Variants in MYOF observed in about 807,000 individuals in gnomAD.
MYOF encodes the protein fer-1-like 3, myoferlin.
A neutral mutation model predicts 284.2 loss-of-function variants in MYOF; 244 were observed. The observed-to-expected ratio is 0.86, with a 90% CI of 0.77 to 0.95. The LOEUF is 0.95. MYOF is among the 40% of genes least tolerant of loss of function. The probability of loss-of-function intolerance (pLI) is 0.00; values close to 1 mark genes in which losing one functional copy is unlikely to be tolerated. For synonymous variants in MYOF, 904 were observed against 919.7 expected, an observed-to-expected ratio of 0.98 and a Z score of 0.31; for missense variants, 2,496 against 2,560.6, an observed-to-expected ratio of 0.97 and a Z score of 0.54.
intron 48 of MYOF, 58 bp downstream of exon 48, chr10:93,323,020 A>G (rs749108485): frequency 8.0e-6 from 12 of 1,501,220 alleles, no homozygotes; most frequent in Non-Finnish European, 1.1e-5. Flanking sequence ...ATGAAAACTC[A>G]CGAAGGAGAG....
At chr10:93,418,024 G>C (rs1166191524) in intron 5 of MYOF, among the ~76,000 whole-genome samples, 1 of 152,138 alleles carries the variant, frequency 6.6e-6, no homozygotes, top group Non-Finnish European at 1.5e-5. Context: ...AGTCTCAAGT[G>C]ATCCCAGGCT....
intron 49 of MYOF, among the ~76,000 whole-genome samples, chr10:93,317,410 G>C (rs1842659740): frequency 6.6e-6 from 1 of 151,974 alleles, no homozygotes; most frequent in Non-Finnish European, 1.5e-5. Context: ...GGCCGAGGGG[G>C]TAGATTACTT....
chr10:93,393,911 T>A (rs76698980), intron 16 of MYOF, among the ~76,000 whole-genome samples: 1 of 152,164 alleles, frequency 6.6e-6, no homozygotes. Context: ...CAATAAATAG[T>A]GCTTACATTC....
At chr10:93,383,544 C>T (rs754481744) in intron 19 of MYOF, among the ~76,000 whole-genome samples, 3 of 152,132 alleles carry the variant, frequency 2.0e-5, no homozygotes, top group Non-Finnish European at 4.4e-5. Flanking sequence ...AAGAGCTCTG[C>T]TTAACTACCC....
Position 93,328,016 on chromosome 10 carries a change from C to T in MYOF, c.5131+747G>A, listed in dbSNP as rs953023821. On this transcript the variant is annotated intron_variant, in intron 45 of 53. Coordinates refer to ENST00000359263, the MANE Select transcript of MYOF (RefSeq NM_013451.4). Reference sequence around the variant, plus strand: ...AACTCCTGACCTCAAATGATCCACCCGACTCGACCTCCCAAAGTGCTGAGA... The same window carrying T: ...AACTCCTGACCTCAAATGATCCACCTGACTCGACCTCCCAAAGTGCTGAGA... 6.6e-5 allele frequency among the ~76,000 whole-genome samples: 10 copies of T among 152,204 alleles called. No individual in the cohort carries two copies. The South Asian group carries it at 8.3e-4, about 13-fold the overall frequency.
chr10:93,476,124 C>G (rs2057254685), intron 1 of MYOF, among the ~76,000 whole-genome samples: 1 of 151,834 alleles, frequency 6.6e-6, no homozygotes, highest in African/African-American at 2.4e-5. Context: ...TAGGGATCTT[C>G]TTGATGAGTC....
chr10:93,424,874 C>T (rs1262022855), intron 5 of MYOF, among the ~76,000 whole-genome samples: 1 of 150,666 alleles, frequency 6.6e-6, no homozygotes, highest in African/African-American at 2.4e-5. Flanking sequence ...AAGATGAGCC[C>T]CGAGGAGCCA....
In MYOF at chr10:93,374,934, T is replaced by C. The variant is rs370697671; in HGVS notation, c.2130A>G (p.Glu710=). The change falls in exon 23 of 54, where the codon GAA becomes GAG. Residue 710 remains glutamate (E), a synonymous_variant. Transcript: ENST00000359263. The part of the protein sequence containing the change: ...EDTRYTLPLT[E]GKANVTVLDT... Reference sequence around the variant, plus strand: ...CGAGAACTGTGACGTTGGCTTTTCCTTCTGTGAGAGGCAACGTGTATCTAG... The same window carrying C: ...CGAGAACTGTGACGTTGGCTTTTCCCTCTGTGAGAGGCAACGTGTATCTAG... 21 of 1,613,200 alleles carry C rather than the reference T, an allele frequency of 1.3e-5. No homozygotes were observed. The African/African-American group carries it at 2.7e-4, about 21-fold the overall frequency.
chr10:93,354,755 T>A (rs1844719867), intron 31 of MYOF, among the ~76,000 whole-genome samples: 1 of 149,136 alleles, frequency 6.7e-6, no homozygotes, highest in African/African-American at 2.4e-5. Flanking sequence ...GGAGCTCTAC[T>A]ACCTGAGTTC....
intron 1 of MYOF, among the ~76,000 whole-genome samples, chr10:93,460,362 T>C (rs1479217437): frequency 6.6e-6 from 1 of 152,184 alleles, no homozygotes; most frequent in Non-Finnish European, 1.5e-5. Context: ...CTGGGGAGTG[T>C]GAAAAGATTC....
chr10:93,446,138 A>T (rs1237662642), intron 3 of MYOF, among the ~76,000 whole-genome samples: 1 of 152,200 alleles, frequency 6.6e-6, no homozygotes, highest in Non-Finnish European at 1.5e-5. Context: ...TGCTTACAAA[A>T]GAGCAGAGGC....
intron 25 of MYOF, among the ~76,000 whole-genome samples, chr10:93,367,514 C>A (rs1406050526): frequency 6.6e-6 from 1 of 152,156 alleles, no homozygotes; most frequent in African/African-American, 2.4e-5. Flanking sequence ...GGGAGATGAG[C>A]TTCAGGCAGA....
At chr10:93,341,511 A>C (rs1445095480) in intron 38 of MYOF, among the ~76,000 whole-genome samples, 1 of 152,162 alleles carries the variant, frequency 6.6e-6, no homozygotes, top group East Asian at 1.9e-4. Context: ...TCCTGACCTC[A>C]GGTGATCCAC....
At position 93,409,561 on chromosome 10, in the gene MYOF, G is replaced by T. The variant is rs750780027; in HGVS notation, c.600+12C>A. 1.2e-6 allele frequency: 2 copies of T among 1,610,408 alleles called. No homozygotes were observed. Among genetic ancestry groups the T allele is most frequent in the Non-Finnish European group, 1.7e-6 (2 of 1,178,874 alleles). ...GATTAAACAAAGAAGCAGAACGCCA[G>T]GCCGTTGCTACCTGGAAGTCCTGTG... is the stretch of plus-strand genomic sequence containing the variant. On this transcript the variant is annotated intron_variant, in intron 6 of 53. Transcript: ENST00000359263.
At position 93,482,243 on chromosome 10, in the gene MYOF, G is replaced by T. The variant is rs752985500; in HGVS notation, c.-49C>A. 15 of 1,480,728 alleles carry T rather than the reference G, an allele frequency of 1.0e-5. No homozygotes were observed. Among genetic ancestry groups the T allele is most frequent in the Admixed American group, 3.6e-5 (2 of 56,298 alleles). The allele number at this position is 1,480,728 out of a possible 1,614,324, so 91.7% of individuals were successfully genotyped here. A position where few individuals can be genotyped will look rare whatever the true frequency, so the allele number is the denominator to read the frequency against. On this transcript the variant is annotated 5_prime_UTR_variant, in exon 1 of 54. Coordinates refer to ENST00000359263, the MANE Select transcript of MYOF (RefSeq NM_013451.4). The stretch of plus-strand genomic sequence containing the variant: ...GTTTCAGCAAACGAAGTGGAGACTA[G>T]GGCGCTGGAGCTCCGGGTCGCACCG...
At chr10:93,421,071 A>C (rs1486875853) in intron 5 of MYOF, among the ~76,000 whole-genome samples, 1 of 152,176 alleles carries the variant, frequency 6.6e-6, no homozygotes, top group Non-Finnish European at 1.5e-5. Flanking sequence ...TTAAAAAATT[A>C]GCCAGGCATG....
At chr10:93,441,030 AG>A (rs2056232655) in intron 3 of MYOF, among the ~76,000 whole-genome samples, 1 of 152,204 alleles carries the variant, frequency 6.6e-6, no homozygotes, top group Non-Finnish European at 1.5e-5. Flanking sequence ...CAGAACTGAG[AG>A]TTCTGCCCCA....
rs1161982027 is a variant in MYOF at position 93,467,156 on chromosome 10, C to CT, written c.89-10220dup. Among the ~76,000 whole-genome samples, 7 of 151,246 alleles carry CT rather than the reference C, an allele frequency of 4.6e-5. No homozygotes were observed. The East Asian group carries it at 9.7e-4, about 21-fold the overall frequency. The stretch of plus-strand genomic sequence containing the variant: ...TCAGCCTTGTTTCCAAACCTGTGCT[C>CT]TTTTTTTTTAAATTTTATTATTATT... On this transcript the variant is annotated intron_variant, in intron 1 of 53. Coordinates refer to ENST00000359263, the MANE Select transcript of MYOF (RefSeq NM_013451.4).
At position 93,306,757 on chromosome 10, in the gene MYOF, A is replaced by ATACT. The variant is rs1554833838; in HGVS notation, c.*202_*205dup. The ATACT allele has an allele frequency of 7.5e-6, 4 of 533,644 alleles. No individual in the cohort carries two copies. The Admixed American group carries it at 1.5e-4, about 21-fold the overall frequency. 33.1% of individuals were successfully genotyped at this position (533,644 alleles called of 1,614,324 possible). A position where few individuals can be genotyped will look rare whatever the true frequency, so the allele number is the denominator to read the frequency against. The stretch of plus-strand genomic sequence containing the variant: ...TAAACTTTAGAAAATAAAACTTTTA[A>ATACT]TACTTAAGAGATAACATGATGCAAA... On this transcript the variant is annotated 3_prime_UTR_variant, in exon 54 of 54. Coordinates refer to ENST00000359263, the MANE Select transcript of MYOF (RefSeq NM_013451.4).
Sources: gnomAD v4.1 joint callset for allele counts (sites outside exome capture counted in the v4.1 genomes callset) on GRCh38, gnomAD v4.1.1 for gene constraint, MANE v1.5 for transcripts, NCBI Gene and HGNC (gene_info 2026-07-23, HGNC 2026-07-21) for gene names.